Variants in POLR3E observed in about 807,000 individuals in gnomAD.
The protein encoded by POLR3E is DNA-directed RNA polymerase III subunit RPC5.
A neutral mutation model predicts 96.6 loss-of-function variants in POLR3E; 41 were observed. The observed-to-expected ratio is 0.42, with a 90% CI of 0.33 to 0.55. The LOEUF (loss-of-function observed/expected upper bound fraction) is 0.55, where lower values mean the gene tolerates loss of function less well. POLR3E is among the 20% of genes least tolerant of loss of function. POLR3E has a pLI of 0.06. For synonymous variants in POLR3E, 396 were observed against 383.6 expected (o/e 1.03, Z -0.38); for missense variants, 849 against 952.1 (o/e 0.89, Z 1.43).
intron 20 of POLR3E, among the ~76,000 whole-genome samples, chr16:22,333,188 C>T (rs1278852328): frequency 6.7e-6 from 1 of 150,146 alleles, no homozygotes; most frequent in Non-Finnish European, 1.5e-5. Context: ...CGCGGTGGCT[C>T]ACACCTGTAA....
At chr16:22,298,500 G>C (rs754172560) in intron 1 of POLR3E, among the ~76,000 whole-genome samples, 1 of 152,208 alleles carries the variant, frequency 6.6e-6, no homozygotes, top group African/African-American at 2.4e-5. Flanking sequence ...GATGAAAATA[G>C]GGAGGAATAC....
intron 6 of POLR3E, 41 bp downstream of exon 6, chr16:22,309,551 G>GT (rs1567312975): frequency 7.4e-7 from 1 of 1,350,978 alleles, no homozygotes. Flanking sequence ...ACATGGCATT[G>GT]GGGGGGGCTG....
chr16:22,305,312 C>T (rs997951694), intron 3 of POLR3E, 106 bp downstream of exon 3: 6 of 838,382 alleles, frequency 7.2e-6, no homozygotes, highest in South Asian at 4.0e-5. Flanking sequence ...CTAGGGTTCT[C>T]GGTGTGGAGA....
In POLR3E at chr16:22,326,135, G is replaced by A. The variant is rs1179080472; in HGVS notation, c.1723G>A (p.Val575Met). The A allele has an allele frequency of 6.2e-7, 1 of 1,614,032 alleles. No homozygotes were observed. The highest frequency in any genetic ancestry group is 1.1e-5 in the South Asian group (1 of 91,086). Residue 575 changes from valine to methionine, a missense_variant, in exon 18 of 21, where the codon GTG (valine) becomes ATG (methionine). Coordinates refer to ENST00000299853, the MANE Select transcript of POLR3E (RefSeq NM_018119.4). The part of the protein sequence containing the change: ...FVEATFQRQF[V>M]LTLSELKRLF... ...GGAGGCCACCTTTCAGAGACAGTTT[G>A]TGCTCACGCTGAGCGAACTCAAGCG...
rs967235944 is a variant in POLR3E at position 22,322,988 on chromosome 16, G to A, written c.1068+57G>A. 1.3e-5 allele frequency: 16 copies of A among 1,231,426 alleles called. No homozygotes were observed. The highest frequency in any genetic ancestry group is 4.9e-5 in the East Asian group (2 of 40,610). The allele number at this position is 1,231,426 out of a possible 1,614,324, so 76.3% of individuals were successfully genotyped here. On this transcript the variant is annotated intron_variant, in intron 14 of 20. Coordinates refer to ENST00000299853, the MANE Select transcript of POLR3E (RefSeq NM_018119.4). The surrounding 1 kb of genome is among the most constrained non-coding windows in gnomAD (Gnocchi z 5.2). ...GGGGGCGTGGGAAGAGGGGGGCAGC[G>A]GTGCAGGGCTTCTGAAGACCGGGGC... is the stretch of plus-strand genomic sequence containing the variant.
chr16:22,324,511 C>G lies in POLR3E; in HGVS notation c.1137C>G (p.Ala379=), dbSNP rs763052521. The G allele has an allele frequency of 6.8e-6, 11 of 1,611,540 alleles. No homozygotes were observed. Among genetic ancestry groups the G allele is most frequent in the African/African-American group, 4.0e-5 (3 of 74,326 alleles). The change falls in exon 16 of 21, where the codon GCC becomes GCG. Residue 379 remains alanine, a synonymous_variant. Transcript: ENST00000299853. ...KEVATVTKLC[A]EDVKDFLEHM... ...GGCCCCCTCCCCTCCAGCTCTGCGCCGAGGATGTGAAGGACTTCCTGGAGC... is the reference window on the plus strand; with the variant it reads ...GGCCCCCTCCCCTCCAGCTCTGCGCGGAGGATGTGAAGGACTTCCTGGAGC...
At chr16:22,301,618 G>T (rs1444493317) in intron 1 of POLR3E, among the ~76,000 whole-genome samples, 3 of 150,928 alleles carry the variant, frequency 2.0e-5, no homozygotes, top group Admixed American at 6.6e-5. Context: ...ATGTTAAGTA[G>T]ATCAGACAAA....
chr16:22,300,534 C>G (rs1346837818), intron 1 of POLR3E, among the ~76,000 whole-genome samples: 2 of 152,230 alleles, frequency 1.3e-5, no homozygotes, highest in Non-Finnish European at 1.5e-5. Context: ...CTCCCAGGCC[C>G]CAGCCTCTCA....
chr16:22,329,589 G>A (rs2048693681), intron 19 of POLR3E, among the ~76,000 whole-genome samples: 1 of 152,158 alleles, frequency 6.6e-6, no homozygotes, highest in African/African-American at 2.4e-5. Flanking sequence ...GCAGGCTGAG[G>A]ATCTAAGGGG....
chr16:22,298,222 T>G (rs2047936859), intron 1 of POLR3E, among the ~76,000 whole-genome samples: 1 of 152,108 alleles, frequency 6.6e-6, no homozygotes, highest in South Asian at 2.1e-4. Flanking sequence ...GAAGAGATCT[T>G]AGCGATCTCC....
intron 19 of POLR3E, among the ~76,000 whole-genome samples, chr16:22,330,767 AG>A (rs1182412346): frequency 2.6e-5 from 4 of 151,990 alleles, no homozygotes; most frequent in Non-Finnish European, 4.4e-5. Context: ...GAATTTTAAG[AG>A]GCAAAGGATA....
chr16:22,302,379 T>C (rs562211416), intron 1 of POLR3E: 1 of 153,104 alleles, frequency 6.5e-6, no homozygotes, highest in East Asian at 1.9e-4. Context: ...CATAGGGTCA[T>C]TGTGTTGAAT....
At chr16:22,333,279 C>T (rs1233568920) in intron 20 of POLR3E, among the ~76,000 whole-genome samples, 1 of 150,928 alleles carries the variant, frequency 6.6e-6, no homozygotes, top group Non-Finnish European at 1.5e-5. Context: ...ATGGAGAAAC[C>T]CCATCTCTAC....
Position 22,328,719 on chromosome 16 carries a change from A to G in POLR3E, c.1944+132A>G, listed in dbSNP as rs2048666200. On this transcript the variant is annotated intron_variant, in intron 19 of 20. Transcript: ENST00000299853. ...TTTTCTGGCACACTCGGTTTTAAATATCCTGCTCCAACTCTGTACGCTAAC... is the reference window on the plus strand; with the variant it reads ...TTTTCTGGCACACTCGGTTTTAAATGTCCTGCTCCAACTCTGTACGCTAAC... The G allele has an allele frequency of 6.8e-6, 5 of 731,804 alleles. No homozygotes were observed. In the East Asian group the frequency reaches 1.3e-4, roughly 19 times the overall value. The allele number at this position is 731,804 out of a possible 1,614,324, so 45.3% of individuals were successfully genotyped here. A position where few individuals can be genotyped will look rare whatever the true frequency, so the allele number is the denominator to read the frequency against.
intron 1 of POLR3E, among the ~76,000 whole-genome samples, chr16:22,301,697 G>A (rs966906399): frequency 2.0e-5 from 3 of 152,104 alleles, no homozygotes; most frequent in African/African-American, 7.2e-5. Flanking sequence ...AAACCAAGGC[G>A]GGCAGATCAC....
chr16:22,311,040 A>G (rs1192589433), intron 6 of POLR3E, among the ~76,000 whole-genome samples: 1 of 152,168 alleles, frequency 6.6e-6, no homozygotes, highest in African/African-American at 2.4e-5. Flanking sequence ...ATCTTGGCTC[A>G]CTGAAACCTC....
intron 2 of POLR3E, 56 bp from the exon 3 acceptor site, chr16:22,305,100 G>C: frequency 7.2e-7 from 1 of 1,388,156 alleles, no homozygotes; most frequent in Non-Finnish European, 1.0e-6. Context: ...GGCATAGCCC[G>C]GGGAGGTCAG....
intron 13 of POLR3E, among the ~76,000 whole-genome samples, chr16:22,319,531 T>C (rs1420399926): frequency 6.6e-6 from 1 of 151,730 alleles, no homozygotes; most frequent in Admixed American, 6.6e-5. Context: ...CCCGAGTAGC[T>C]GGGACTACAA....
At position 22,333,779 on chromosome 16, in the gene POLR3E, T is replaced by TCTGTGTCGTCTGAAGCAAG; in HGVS notation, c.*79_*80insCTGTGTCGTCTGAAGCAAG. On this transcript the variant is annotated 3_prime_UTR_variant, in exon 21 of 21. Coordinates refer to ENST00000299853, the MANE Select transcript of POLR3E (RefSeq NM_018119.4). ...AACCAGAAGTAGGGCCTCGACTTGC[T>TCTGTGTCGTCTGAAGCAAG]TCAGACGACACAGAGCAAGAGGAAC... The TCTGTGTCGTCTGAAGCAAG allele has an allele frequency of 1.1e-6, 1 of 950,558 alleles. No individual in the cohort carries two copies. Among genetic ancestry groups the TCTGTGTCGTCTGAAGCAAG allele is most frequent in the Non-Finnish European group, 1.7e-6 (1 of 576,478 alleles). The allele number at this position is 950,558 out of a possible 1,614,324, so 58.9% of individuals were successfully genotyped here.
Sources: allele counts gnomAD v4.1 joint callset (sites outside exome capture counted in the v4.1 genomes callset), GRCh38; gene constraint gnomAD v4.1.1; non-coding constraint Gnocchi (gnomAD v3.1); transcripts MANE v1.5; gene names NCBI Gene and HGNC (gene_info 2026-07-23, HGNC 2026-07-21).